RWDD3: variants seen among roughly 807,000 people sequenced by gnomAD.
RWDD3 encodes RWD domain-containing protein 3.
Under a neutral mutation model 26.5 loss-of-function variants are expected in RWDD3, and 30 were observed. The ratio of observed to expected loss-of-function variants is 1.13; its 90% confidence interval spans 0.85 to 1.54. The LOEUF (loss-of-function observed/expected upper bound fraction) is 1.54. Ranked by LOEUF, RWDD3 falls within the 40% of genes most tolerant of loss-of-function variation. The pLI is 0.00. For synonymous variants in RWDD3, 113 were observed against 114.5 expected (o/e 0.99, Z 0.09); for missense variants, 296 against 309.1 (o/e 0.96, Z 0.32).
At chr1:95,234,437 G>A in intron 1 of RWDD3, 122 bp downstream of exon 1, 4 of 879,014 alleles carry the variant, frequency 4.6e-6, no homozygotes, top group Admixed American at 2.3e-5. Flanking sequence ...GACCGGGTTA[G>A]TTGAATGATG....
rs190810363 is a variant in RWDD3, at chr1:95,241,577, G to A, written c.86-2634G>A. Reference sequence around the variant, plus strand: ...ATAAACTCTAGCTTCCAAGGCTGTCGGTTATGCAAAAGTCCTTGAACAAAG... The same window carrying A: ...ATAAACTCTAGCTTCCAAGGCTGTCAGTTATGCAAAAGTCCTTGAACAAAG... On this transcript the variant is annotated intron_variant, in intron 1 of 3. Transcript: ENST00000370202. Among the ~76,000 whole-genome samples the A allele has an allele frequency of 3.9e-5, 6 of 152,246 alleles. No homozygotes were observed. In the South Asian group the frequency reaches 8.3e-4, roughly 21 times the overall value.
chr1:95,244,923 A>G (rs1159419586), intron 2 of RWDD3: 3 of 497,146 alleles, frequency 6.0e-6, no homozygotes, highest in African/African-American at 3.9e-5. Context: ...TTTAAAAATC[A>G]TGTCACTTAA....
At chr1:95,234,408 G>A in intron 1 of RWDD3, 93 bp downstream of exon 1, 1 of 1,184,518 alleles carries the variant, frequency 8.4e-7, no homozygotes, top group Non-Finnish European at 1.2e-6. Context: ...TGGGCACCCC[G>A]CCTGGGCCCA....
Position 95,247,083 on chromosome 1 carries a change from C to CTAG in RWDD3, c.*214_*216dup, listed in dbSNP as rs1408086752. The CTAG allele has an allele frequency of 6.8e-5, 23 of 340,248 alleles. No individual in the cohort carries two copies. The East Asian group carries it at 1.0e-3, about 15-fold the overall frequency. The allele number at this position is 340,248 out of a possible 1,614,324, so 21.1% of individuals were successfully genotyped here. On this transcript the variant is annotated 3_prime_UTR_variant, in exon 4 of 4. Transcript: ENST00000370202. ...ATATTCTAATGTTTGCCAGGAAAGGCTAGGTTCAGTAGATGAGACATTATT... is the reference window on the plus strand; with the variant it reads ...ATATTCTAATGTTTGCCAGGAAAGGCTAGTAGGTTCAGTAGATGAGACATTATT...
In RWDD3 at chr1:95,244,488, C is replaced by T. The variant is rs1157241836; in HGVS notation, c.363C>T (p.Gly121=). The T allele has an allele frequency of 3.1e-6, 5 of 1,614,064 alleles. No individual in the cohort carries two copies. Among genetic ancestry groups the T allele is most frequent in the South Asian group, 1.1e-5 (1 of 91,084 alleles). The change falls in exon 2 of 4, where the codon GGC becomes GGT. Residue 121 remains glycine (G), a synonymous_variant. Coordinates refer to ENST00000370202, the MANE Select transcript of RWDD3 (RefSeq NM_015485.5). ...LRHILSQPET[G]SGSEKCTFST... is the part of the protein sequence containing the mutation. ...ATATCCTCAGCCAACCAGAAACTGG[C>T]AGTGGCAGTGAAAAGTGTACTTTTT...
Position 95,246,891 on chromosome 1 carries a change from T to G in RWDD3, c.*21T>G, listed in dbSNP as rs771775151. On this transcript the variant is annotated 3_prime_UTR_variant, in exon 4 of 4. Transcript: ENST00000370202. ...AATGAAATGGAAGACAGGAATCTTT[T>G]AGTAAAATAGCAGTGTTTTTTGTTG... The G allele has an allele frequency of 7.3e-7, 1 of 1,373,188 alleles. No individual in the cohort carries two copies. The highest frequency in any genetic ancestry group is 2.5e-5 in the East Asian group (1 of 40,742). 85.1% of individuals were successfully genotyped at this position (1,373,188 alleles called of 1,614,324 possible).
chr1:95,235,351 CTTT>C (rs1166711835), intron 1 of RWDD3, among the ~76,000 whole-genome samples: 5,289 of 40,694 alleles, frequency 0.13, 77 homozygotes, highest in Admixed American at 0.16. Flanking sequence ...TGCGCCCGGC[CTTT>C]TTTTTTTTTT....
At chr1:95,238,114 C>T (rs1293175136) in intron 1 of RWDD3, among the ~76,000 whole-genome samples, 1 of 152,078 alleles carries the variant, frequency 6.6e-6, no homozygotes, top group Admixed American at 6.5e-5. Flanking sequence ...GATTATGTGG[C>T]CATAGTCAAT....
intron 1 of RWDD3, among the ~76,000 whole-genome samples, chr1:95,236,768 G>A (rs1680378589): frequency 6.6e-6 from 1 of 152,072 alleles, no homozygotes; most frequent in Non-Finnish European, 1.5e-5. Context: ...CCTTTATTAT[G>A]GCTCAGTTGG....
At position 95,244,241 on chromosome 1, in the gene RWDD3, C is replaced by G. The variant is rs1385593186; in HGVS notation, c.116C>G (p.Thr39Arg). 6.2e-7 allele frequency: 1 copy of G among 1,614,176 alleles called. No individual in the cohort carries two copies. The highest frequency in any genetic ancestry group is 8.5e-7 in the Non-Finnish European group (1 of 1,180,008). Residue 39 changes from threonine (T) to arginine (R), a missense_variant, in exon 2 of 4, where the codon ACA becomes AGA. By Grantham distance (71) the Thr-to-Arg change is moderately conservative. Coordinates refer to ENST00000370202, the MANE Select transcript of RWDD3 (RefSeq NM_015485.5). Reference sequence around the variant, plus strand: ...GATGGGACCGTGTTCAGAATTCACACAAAAGCTGAAGGATTTATGGATGTG... The same window carrying G: ...GATGGGACCGTGTTCAGAATTCACAGAAAAGCTGAAGGATTTATGGATGTG... ...ETDGTVFRIH[T>R]KAEGFMDVDI...
At chr1:95,236,595 A>G (rs1680371070) in intron 1 of RWDD3, among the ~76,000 whole-genome samples, 1 of 152,210 alleles carries the variant, frequency 6.6e-6, no homozygotes, top group Non-Finnish European at 1.5e-5. Flanking sequence ...CAATTGTTTA[A>G]AATCCATATG....
At chr1:95,237,726 T>G (rs2101099340) in intron 1 of RWDD3, among the ~76,000 whole-genome samples, 1 of 152,288 alleles carries the variant, frequency 6.6e-6, no homozygotes, top group East Asian at 1.9e-4. Flanking sequence ...TTTGATGGGG[T>G]GACCTGCCAT....
At chr1:95,234,656 C>T (rs972346733) in intron 1 of RWDD3, among the ~76,000 whole-genome samples, 2 of 151,788 alleles carry the variant, frequency 1.3e-5, no homozygotes, top group African/African-American at 2.4e-5. Context: ...TGCTGACGCC[C>T]CCTCGTTGTT....
upstream of RWDD3, chr1:95,234,203 A>T: frequency 1.3e-6 from 2 of 1,560,712 alleles, no homozygotes; most frequent in Non-Finnish European, 1.7e-6. Context: ...GCGGAAGGGG[A>T]AGCGCTGAGG....
chr1:95,246,521 A>T, intron 2 of RWDD3, 21 bp from the exon 3 acceptor site: 1 of 1,358,560 alleles, frequency 7.4e-7, no homozygotes, highest in Non-Finnish European at 1.0e-6. Flanking sequence ...TATGTATTTA[A>T]TGTACTGATT....
chr1:95,234,362 C>G, intron 1 of RWDD3, 47 bp downstream of exon 1: 1 of 1,530,814 alleles, frequency 6.5e-7, no homozygotes, highest in Non-Finnish European at 8.9e-7. Context: ...AGGGGCCACC[C>G]GCGTTCGCTT....
chr1:95,246,391 G>A, intron 2 of RWDD3, 151 bp from the exon 3 acceptor site: 1 of 567,210 alleles, frequency 1.8e-6, no homozygotes, highest in Non-Finnish European at 3.2e-6. Flanking sequence ...TGCCAAGTAT[G>A]TTAAAACAAG....
intron 1 of RWDD3, among the ~76,000 whole-genome samples, chr1:95,235,277 C>A (rs1557717453): frequency 6.7e-6 from 1 of 148,412 alleles, no homozygotes; most frequent in African/African-American, 2.5e-5. Context: ...TGGTCTCGAT[C>A]TCCGGACCTC....
rs1263736968 is a variant in RWDD3, at chr1:95,244,290, C to G, written c.165C>G (p.Phe55Leu). The G allele has an allele frequency of 2.5e-6, 4 of 1,614,196 alleles. No individual in the cohort carries two copies. In the African/African-American group the frequency reaches 5.3e-5, roughly 22 times the overall value. Reference protein sequence around the residue: ...MDVDIPLELVFHLPVNYPSCL... With the variant: ...MDVDIPLELVLHLPVNYPSCL... ...TGGATATACCTCTGGAATTGGTGTT[C>G]CATTTGCCAGTCAATTATCCTTCAT... The change falls in exon 2 of 4, where the codon TTC becomes TTG. Residue 55 changes from phenylalanine (F) to leucine (L), a missense_variant. Coordinates refer to ENST00000370202, the MANE Select transcript of RWDD3 (RefSeq NM_015485.5).
Sources: allele counts gnomAD v4.1 joint callset (sites outside exome capture counted in the v4.1 genomes callset), GRCh38; gene constraint gnomAD v4.1.1; transcripts MANE v1.5; gene names NCBI Gene and HGNC (gene_info 2026-07-23, HGNC 2026-07-21).